The following GPC5 variants were observed in gnomAD, a reference collection of about 807,000 sequenced individuals.
GPC5 encodes glypican 5, also known as glypican-5.
In GPC5, 47 loss-of-function variants were observed where a neutral mutation model predicts 53.9. The observed-to-expected ratio is 0.87, with a 90% CI of 0.69 to 1.11. The LOEUF (loss-of-function observed/expected upper bound fraction) is 1.11, where lower values mean the gene tolerates loss of function less well. Among genes scored for constraint, GPC5 ranks in the 50% most tolerant of loss-of-function variants. The probability of loss-of-function intolerance (pLI) is 0.00; values close to 1 mark genes in which losing one functional copy is unlikely to be tolerated. For missense variants in GPC5, 748 were observed against 713.1 expected (o/e 1.05, Z -0.56); for synonymous variants, 286 against 263.3 (o/e 1.09, Z -0.84).
intron 7 of GPC5, among the ~76,000 whole-genome samples, chr13:92,515,543 T>C (rs773323990): frequency 1.3e-5 from 2 of 152,208 alleles, no homozygotes; most frequent in Admixed American, 1.3e-4. Context: ...GAATACACTG[T>C]AGAATTTTAC....
In GPC5 at chr13:91,641,123, C is replaced by G. The variant is rs147174700; in HGVS notation, c.326-52064C>G. Among the ~76,000 whole-genome samples, 992 of 152,150 alleles carry G rather than the reference C, an allele frequency of 6.5e-3. 10 individuals are homozygous for G. Among genetic ancestry groups the G allele is most frequent in the African/African-American group, 0.023 (942 of 41,514 alleles). ...TGGACAGATCACGAGGTCAGGAGAT[C>G]GAGACCATCCTGGCTAACACGGTGA... On this transcript the variant is annotated intron_variant, in intron 2 of 7. Coordinates refer to ENST00000377067, the MANE Select transcript of GPC5 (RefSeq NM_004466.6).
chr13:91,835,806 C>A (rs1566294558), intron 5 of GPC5, among the ~76,000 whole-genome samples: 1 of 152,018 alleles, frequency 6.6e-6, no homozygotes, highest in African/African-American at 2.4e-5. Context: ...ATGGGTGCAG[C>A]AAACCGTCAT....
At chr13:92,816,269 T>C (rs1877470719) in intron 7 of GPC5, among the ~76,000 whole-genome samples, 1 of 152,102 alleles carries the variant, frequency 6.6e-6, no homozygotes, top group South Asian at 2.1e-4. Context: ...GGATAGGTCA[T>C]GGAACTCAGC....
chr13:92,207,103 T>C (rs2042343207), intron 7 of GPC5, among the ~76,000 whole-genome samples: 1 of 152,238 alleles, frequency 6.6e-6, no homozygotes, highest in Non-Finnish European at 1.5e-5. Flanking sequence ...CCCAAACTTT[T>C]CTACCTTGGA....
At chr13:91,951,544 G>A (rs1048780069) in intron 6 of GPC5, among the ~76,000 whole-genome samples, 1 of 152,118 alleles carries the variant, frequency 6.6e-6, no homozygotes. Context: ...TGTGTCAGAA[G>A]AGACACACCT....
At chr13:92,194,401 G>A (rs1209091190) in intron 7 of GPC5, among the ~76,000 whole-genome samples, 1 of 152,172 alleles carries the variant, frequency 6.6e-6, no homozygotes, top group Non-Finnish European at 1.5e-5. Context: ...CTGTGGACTA[G>A]ATATTAGGAT....
chr13:91,922,622 T>G (rs2039726931), intron 6 of GPC5, among the ~76,000 whole-genome samples: 1 of 152,194 alleles, frequency 6.6e-6, no homozygotes, highest in African/African-American at 2.4e-5. Context: ...ACATGTATTC[T>G]TATGTTCCTT....
At chr13:92,420,266 A>G (rs1566582563) in intron 7 of GPC5, among the ~76,000 whole-genome samples, 1 of 152,230 alleles carries the variant, frequency 6.6e-6, no homozygotes, top group Non-Finnish European at 1.5e-5. Context: ...CTCAGTATCC[A>G]GCCTAAACAT....
At chr13:91,453,081 T>A (rs189824273) in intron 2 of GPC5, among the ~76,000 whole-genome samples, 18 of 151,716 alleles carry the variant, frequency 1.2e-4, no homozygotes, top group Admixed American at 5.3e-4. Context: ...ATTATTTAAC[T>A]TTTTTTTGAT....
chr13:92,294,819 T>C lies in GPC5; in HGVS notation c.1561+149830T>C, dbSNP rs534970247. Among the ~76,000 whole-genome samples the C allele has an allele frequency of 4.9e-4, 68 of 139,818 alleles. 1 individual carries two copies. Among genetic ancestry groups the C allele is most frequent in the African/African-American group, 1.8e-3 (65 of 35,594 alleles). The allele number at this position is 139,818 out of a possible 152,430, so 91.7% of individuals were successfully genotyped here. A position where few individuals can be genotyped will look rare whatever the true frequency, so the allele number is the denominator to read the frequency against. On this transcript the variant is annotated intron_variant, in intron 7 of 7. Transcript: ENST00000377067. ...CTGTTTGTGCTGTTTCTTTCTTTTT[T>C]TTTTTTCTTTTTTTTTTTTTTTTTT...
chr13:92,443,136 A>G (rs1481821877), intron 7 of GPC5, among the ~76,000 whole-genome samples: 1 of 152,184 alleles, frequency 6.6e-6, no homozygotes, highest in Non-Finnish European at 1.5e-5. Flanking sequence ...GGGAGCAGGC[A>G]TGTCACATGG....
At position 91,615,092 on chromosome 13, in the gene GPC5, A is replaced by T. The variant is rs116545179; in HGVS notation, c.326-78095A>T. On this transcript the variant is annotated intron_variant, in intron 2 of 7. Transcript: ENST00000377067. ...CCAACATGATTTACAAAGAGGCATT[A>T]GGATTACAAACAACTGCACAATGAT... Among the ~76,000 whole-genome samples, 133 of 150,830 alleles carry T rather than the reference A, an allele frequency of 8.8e-4. 1 individual carries two copies. The highest frequency in any genetic ancestry group is 2.9e-3 in the African/African-American group (122 of 41,534).
chr13:91,603,263 TC>T (rs571765740), intron 2 of GPC5, among the ~76,000 whole-genome samples: 12 of 152,218 alleles, frequency 7.9e-5, no homozygotes, highest in Non-Finnish European at 1.3e-4. Context: ...AAGAGCTCTC[TC>T]CGTAAATGAT....
chr13:91,766,828 C>CTCTTTGGGAGTA, intron 5 of GPC5, among the ~76,000 whole-genome samples: 2 of 152,188 alleles, frequency 1.3e-5, no homozygotes, highest in African/African-American at 4.8e-5. Context: ...CCACTGCACT[C>CTCTTTGGGAGTA]CAGCCTGGGT....
intron 3 of GPC5, among the ~76,000 whole-genome samples, chr13:91,707,225 C>G (rs1204428080): frequency 3.3e-5 from 5 of 151,998 alleles, no homozygotes; most frequent in African/African-American, 1.2e-4. Context: ...GAGTGATAAG[C>G]AAATGAAAAG....
At chr13:92,138,414 G>A (rs558131150) in intron 6 of GPC5, among the ~76,000 whole-genome samples, 38 of 152,106 alleles carry the variant, frequency 2.5e-4, no homozygotes, top group African/African-American at 8.7e-4. Flanking sequence ...CAGCTACTCG[G>A]TAGGCTGACA....
chr13:92,615,444 C>T (rs1884648442), intron 7 of GPC5, among the ~76,000 whole-genome samples: 1 of 152,144 alleles, frequency 6.6e-6, no homozygotes, highest in African/African-American at 2.4e-5. Flanking sequence ...AGCAGGATTA[C>T]TGGGAGGGAA....
chr13:91,689,904 G>T (rs544524105), intron 2 of GPC5, among the ~76,000 whole-genome samples: 3 of 152,162 alleles, frequency 2.0e-5, no homozygotes, highest in Non-Finnish European at 1.5e-5. Context: ...ACATAGTATG[G>T]TAAACACCCA....
chr13:91,753,454 T>C (rs2140117090), intron 4 of GPC5, among the ~76,000 whole-genome samples: 1 of 152,318 alleles, frequency 6.6e-6, no homozygotes, highest in Non-Finnish European at 1.5e-5. Context: ...CTAATGTCTT[T>C]CAAATCTTTC....
Sources: allele counts gnomAD v4.1 joint callset (sites outside exome capture counted in the v4.1 genomes callset), GRCh38; gene constraint gnomAD v4.1.1; transcripts MANE v1.5; gene names NCBI Gene and HGNC (gene_info 2026-07-23, HGNC 2026-07-21).